Variants in ACYP2 observed in about 807,000 individuals in gnomAD.
ACYP2 encodes the protein acylphosphatase 2.
Under a neutral mutation model 11.2 loss-of-function variants are expected in ACYP2, and 12 were observed. The ratio of observed to expected loss-of-function variants is 1.08; its 90% CI spans 0.69 to 1.74. ACYP2 has a LOEUF of 1.74. Ranked by LOEUF, ACYP2 falls within the 40% of genes most tolerant of loss-of-function variation. The pLI, the probability that ACYP2 is intolerant of heterozygous loss-of-function variation, is 0.00. For missense variants in ACYP2, 134 were observed against 101.9 expected, an observed-to-expected ratio of 1.31 and a Z score of -1.35; for synonymous variants, 43 against 32.2, an observed-to-expected ratio of 1.33 and a Z score of -1.13.
chr2:54,133,021 G>A (rs1227329948), intron 4 of ACYP2, among the ~76,000 whole-genome samples: 1 of 152,156 alleles, frequency 6.6e-6, no homozygotes, highest in Admixed American at 6.5e-5. Flanking sequence ...TGGGATTACA[G>A]GTGTGAGCCA....
intron 2 of ACYP2, among the ~76,000 whole-genome samples, chr2:53,980,986 A>C (rs1384804148): frequency 2.0e-5 from 3 of 152,126 alleles, no homozygotes; most frequent in African/African-American, 7.2e-5. Context: ...TCCTGGGCTC[A>C]TACCATTCAC....
At chr2:54,047,876 T>C (rs950483123) in intron 2 of ACYP2, among the ~76,000 whole-genome samples, 1 of 151,938 alleles carries the variant, frequency 6.6e-6, no homozygotes, top group African/African-American at 2.4e-5. Flanking sequence ...TCCTCAAGAG[T>C]TGAGTCATGG....
At chr2:54,246,747 G>T (rs749552730) in intron 6 of ACYP2, among the ~76,000 whole-genome samples, 1 of 152,002 alleles carries the variant, frequency 6.6e-6, no homozygotes, top group Non-Finnish European at 1.5e-5. Context: ...AAGTAATGGT[G>T]GTGACAAATG....
intron 6 of ACYP2, among the ~76,000 whole-genome samples, chr2:54,203,669 G>A (rs1038963638): frequency 1.3e-5 from 2 of 152,138 alleles, no homozygotes; most frequent in Non-Finnish European, 2.9e-5. Flanking sequence ...ATGAAAGGGT[G>A]CTAGATTTTG....
intron 2 of ACYP2, among the ~76,000 whole-genome samples, chr2:53,994,512 CAGAAAAA>C (rs1255600634): frequency 1.2e-3 from 36 of 30,528 alleles, no homozygotes; most frequent in Middle Eastern, 0.042. Flanking sequence ...GAGTAAGACT[CAGAAAAA>C]AAAAAAAAAA....
At chr2:54,214,796 G>A (rs1362736944) in intron 6 of ACYP2, among the ~76,000 whole-genome samples, 1 of 152,138 alleles carries the variant, frequency 6.6e-6, no homozygotes, top group Non-Finnish European at 1.5e-5. Context: ...AAATGTCATT[G>A]GTAGTTTGAT....
chr2:54,005,328 G>C (rs11888025), intron 2 of ACYP2, among the ~76,000 whole-genome samples: 1 of 150,882 alleles, frequency 6.6e-6, no homozygotes, highest in African/African-American at 2.4e-5. Flanking sequence ...AGTTGACTCT[G>C]TTTATGAAAG....
intron 6 of ACYP2, among the ~76,000 whole-genome samples, chr2:54,261,156 T>C (rs1687759512): frequency 6.6e-6 from 1 of 152,224 alleles, no homozygotes; most frequent in Non-Finnish European, 1.5e-5. Flanking sequence ...TGAGTAGTGA[T>C]ATTATTCTTT....
intron 4 of ACYP2, among the ~76,000 whole-genome samples, chr2:54,074,384 G>A (rs926848176): frequency 6.6e-6 from 1 of 152,058 alleles, no homozygotes; most frequent in Non-Finnish European, 1.5e-5. Flanking sequence ...GATCACATGA[G>A]TCCAGGAGTT....
intron 2 of ACYP2, among the ~76,000 whole-genome samples, chr2:54,050,121 T>C (rs1675760836): frequency 1.3e-5 from 2 of 152,182 alleles, no homozygotes; most frequent in African/African-American, 4.8e-5. Context: ...ATATAAAGAA[T>C]CAAATTTTTT....
At chr2:53,988,536 G>A (rs1319687772) in intron 2 of ACYP2, among the ~76,000 whole-genome samples, 1 of 151,928 alleles carries the variant, frequency 6.6e-6, no homozygotes, top group Admixed American at 6.6e-5. Flanking sequence ...GAGAAGCTGG[G>A]ACCACAGGCA....
chr2:54,201,624 G>C (rs55805574), intron 6 of ACYP2, among the ~76,000 whole-genome samples: 44,974 of 105,174 alleles, frequency 0.43, 9,722 homozygotes, highest in East Asian at 0.76. Flanking sequence ...TTCTTTCTTT[G>C]TTTCTTTCTT....
At chr2:54,140,658 G>C (rs1681554152) in intron 6 of ACYP2, among the ~76,000 whole-genome samples, 2 of 151,838 alleles carry the variant, frequency 1.3e-5, no homozygotes, top group South Asian at 4.2e-4. Context: ...GATACATCCA[G>C]GAAAATCCTT....
chr2:54,200,550 GATA>G (rs1684712627), intron 6 of ACYP2, among the ~76,000 whole-genome samples: 2 of 152,110 alleles, frequency 1.3e-5, no homozygotes, highest in East Asian at 3.8e-4. Context: ...TTTCACTGAG[GATA>G]ATGTTTTCAA....
chr2:53,992,958 C>T (rs974169698), intron 2 of ACYP2, among the ~76,000 whole-genome samples: 2 of 152,096 alleles, frequency 1.3e-5, no homozygotes, highest in Non-Finnish European at 2.9e-5. Context: ...GTAATCCCAG[C>T]ACTTTGGGAG....
At chr2:54,058,186 T>A (rs1273028564) in intron 4 of ACYP2, among the ~76,000 whole-genome samples, 1 of 152,042 alleles carries the variant, frequency 6.6e-6, no homozygotes, top group Non-Finnish European at 1.5e-5. Flanking sequence ...TGATACAAGC[T>A]AAAATGTGAA....
At chr2:54,262,265 G>A (rs1687813412) in intron 6 of ACYP2, among the ~76,000 whole-genome samples, 1 of 152,128 alleles carries the variant, frequency 6.6e-6, no homozygotes, top group Admixed American at 6.5e-5. Flanking sequence ...TGATGCAACT[G>A]CTGTTACAGT....
chr2:54,218,407 C>T (rs926513264), intron 6 of ACYP2, among the ~76,000 whole-genome samples: 2 of 152,134 alleles, frequency 1.3e-5, no homozygotes, highest in African/African-American at 4.8e-5. Flanking sequence ...TTGTATTAAT[C>T]ATTTATGTCT....
At chr2:54,216,489 A>G (rs1685563548) in intron 6 of ACYP2, among the ~76,000 whole-genome samples, 1 of 152,140 alleles carries the variant, frequency 6.6e-6, no homozygotes, top group African/African-American at 2.4e-5. Flanking sequence ...CAAATAATAT[A>G]AAATATATCT....
Sources: allele counts gnomAD v4.1 joint callset (sites outside exome capture counted in the v4.1 genomes callset), GRCh38; gene constraint gnomAD v4.1.1; transcripts MANE v1.5; gene names NCBI Gene and HGNC (gene_info 2026-07-23, HGNC 2026-07-21).